CACNA2D3: variants seen among roughly 807,000 people sequenced by gnomAD.
CACNA2D3 encodes the protein voltage-dependent calcium channel subunit alpha-2/delta-3.
Under a neutral mutation model 160.6 loss-of-function variants are expected in CACNA2D3, and 60 were observed. That is an observed-to-expected ratio of 0.37 (90% CI 0.30 to 0.46). The LOEUF is 0.46. CACNA2D3 is among the 20% of genes least tolerant of loss of function. The probability of loss-of-function intolerance (pLI) is 1.00; values close to 1 mark genes in which losing one functional copy is unlikely to be tolerated. For missense variants in CACNA2D3, 1,205 were observed against 1,365.0 expected (o/e 0.88, Z 1.85); for synonymous variants, 558 against 492.9 (o/e 1.13, Z -1.75).
At position 54,419,540 on chromosome 3, in the gene CACNA2D3, T is replaced by G. The variant is rs143063241; in HGVS notation, c.381+32766T>G. 2.4e-3 allele frequency among the ~76,000 whole-genome samples: 363 copies of G among 152,322 alleles called. 1 individual carries two copies. The highest frequency in any genetic ancestry group is 7.3e-3 in the African/African-American group (303 of 41,580). On this transcript the variant is annotated intron_variant, in intron 4 of 37. Coordinates refer to ENST00000474759, the MANE Select transcript of CACNA2D3 (RefSeq NM_018398.3). Reference sequence around the variant, plus strand: ...ATCCCTCTTATGATTGCCACAAGTATCCTGCTTTCATTATTAAATACCAGT... The same window carrying G: ...ATCCCTCTTATGATTGCCACAAGTAGCCTGCTTTCATTATTAAATACCAGT...
chr3:54,923,773 G>T (rs1185115620), intron 27 of CACNA2D3, among the ~76,000 whole-genome samples: 1 of 152,140 alleles, frequency 6.6e-6, no homozygotes, highest in Non-Finnish European at 1.5e-5. Context: ...CTGGGCTTCT[G>T]CTCTGTGATC....
At chr3:54,842,088 T>C (rs1295354904) in intron 16 of CACNA2D3, among the ~76,000 whole-genome samples, 1 of 152,254 alleles carries the variant, frequency 6.6e-6, no homozygotes, top group Non-Finnish European at 1.5e-5. Flanking sequence ...TCATATAAGC[T>C]TTTAATTATT....
At chr3:54,487,586 A>G (rs942585927) in intron 4 of CACNA2D3, among the ~76,000 whole-genome samples, 2 of 152,196 alleles carry the variant, frequency 1.3e-5, no homozygotes, top group Admixed American at 1.3e-4. Context: ...CAGGCCCTGG[A>G]GTTCCAACCA....
chr3:54,746,601 G>A (rs1249367256), intron 11 of CACNA2D3, among the ~76,000 whole-genome samples: 3 of 152,214 alleles, frequency 2.0e-5, no homozygotes, highest in Non-Finnish European at 4.4e-5. Flanking sequence ...AGGTCATGAA[G>A]AGATTTGGTA....
chr3:54,276,590 A>G (rs1702744961), intron 2 of CACNA2D3, among the ~76,000 whole-genome samples: 1 of 133,006 alleles, frequency 7.5e-6, no homozygotes, highest in Admixed American at 7.7e-5. Flanking sequence ...AAAAAAAAAA[A>G]GAAGAAGAAG....
At chr3:54,609,120 T>C (rs1316776474) in intron 9 of CACNA2D3, among the ~76,000 whole-genome samples, 2 of 152,122 alleles carry the variant, frequency 1.3e-5, no homozygotes, top group Non-Finnish European at 2.9e-5. Context: ...TTAAATGAGG[T>C]CATAAGGGTG....
intron 35 of CACNA2D3, among the ~76,000 whole-genome samples, chr3:55,029,378 T>G (rs993744157): frequency 1.2e-4 from 19 of 152,184 alleles, no homozygotes; most frequent in African/African-American, 3.9e-4. Flanking sequence ...TAAAAAAAGA[T>G]GTATTACTTT....
At chr3:54,936,321 C>T (rs759334465) in intron 27 of CACNA2D3, among the ~76,000 whole-genome samples, 44 of 152,222 alleles carry the variant, frequency 2.9e-4, no homozygotes, top group Middle Eastern at 3.4e-3. Flanking sequence ...GTATTCTGCC[C>T]GTGGACAGAG....
chr3:54,445,567 C>CACACAT (rs1700209465), intron 4 of CACNA2D3, among the ~76,000 whole-genome samples: 1 of 151,584 alleles, frequency 6.6e-6, no homozygotes, highest in South Asian at 2.1e-4. Flanking sequence ...CACACACACA[C>CACACAT]ACACACACAC....
chr3:54,506,990 C>CAT lies in CACNA2D3; in HGVS notation c.544+3346_544+3347dup, dbSNP rs565120891. On this transcript the variant is annotated intron_variant, in intron 5 of 37. Transcript: ENST00000474759. The stretch of plus-strand genomic sequence containing the variant: ...TATATATACACATTATATATACACA[C>CAT]ATATATATATACATACACACACATA... Among the ~76,000 whole-genome samples the CAT allele has an allele frequency of 6.6e-3, 1,006 of 152,154 alleles. 10 individuals are homozygous for CAT. The highest frequency in any genetic ancestry group is 0.023 in the African/African-American group (954 of 41,512).
intron 9 of CACNA2D3, among the ~76,000 whole-genome samples, chr3:54,622,674 T>C (rs1166188892): frequency 2.0e-5 from 3 of 152,044 alleles, no homozygotes; most frequent in Non-Finnish European, 2.9e-5. Flanking sequence ...AACATAACAA[T>C]TTCTGGATCT....
intron 11 of CACNA2D3, among the ~76,000 whole-genome samples, chr3:54,724,212 A>C (rs1281492397): frequency 6.6e-6 from 1 of 152,236 alleles, no homozygotes; most frequent in East Asian, 1.9e-4. Flanking sequence ...CAGCAAGAAG[A>C]GCTAACTATC....
intron 8 of CACNA2D3, among the ~76,000 whole-genome samples, chr3:54,576,362 G>A (rs927746687): frequency 2.0e-5 from 3 of 152,116 alleles, no homozygotes; most frequent in Admixed American, 6.5e-5. Flanking sequence ...AACCTTGGTG[G>A]GAGGGTCTAG....
At position 55,061,541 on chromosome 3, in the gene CACNA2D3, G is replaced by T. The variant is rs75692743; in HGVS notation, c.2988-11904G>T. Among the ~76,000 whole-genome samples, 1,133 of 152,192 alleles carry T rather than the reference G, an allele frequency of 7.4e-3. 13 individuals carry two copies. Among genetic ancestry groups the T allele is most frequent in the African/African-American group, 0.026 (1,071 of 41,526 alleles). ...ACTCAAGCAAGCTTAAACAATACAGGGAAAAGTTGAGATGTAAGCTTCAGA... is the reference window on the plus strand; with the variant it reads ...ACTCAAGCAAGCTTAAACAATACAGTGAAAAGTTGAGATGTAAGCTTCAGA... On this transcript the variant is annotated intron_variant, in intron 35 of 37. Transcript: ENST00000474759.
At chr3:54,393,742 TG>T (rs1471138619) in intron 4 of CACNA2D3, among the ~76,000 whole-genome samples, 5 of 152,214 alleles carry the variant, frequency 3.3e-5, no homozygotes, top group Non-Finnish European at 5.9e-5. Flanking sequence ...CACACATCCC[TG>T]GGCTGATCTG....
chr3:54,842,019 CA>C (rs1698830249), intron 16 of CACNA2D3, among the ~76,000 whole-genome samples: 1 of 152,178 alleles, frequency 6.6e-6, no homozygotes, highest in Non-Finnish European at 1.5e-5. Context: ...TGGATAAAAC[CA>C]AAATTAGCGA....
Position 54,274,317 on chromosome 3 carries a change from AT to A in CACNA2D3, c.205-46120del. On this transcript the variant is annotated intron_variant, in intron 2 of 37. Transcript: ENST00000474759. Reference sequence around the variant, plus strand: ...TCATTCTGATTCATTCTTATAGATTATTTTTCTTCTTTCTTTCTTTTTCTTT... The same window carrying A: ...TCATTCTGATTCATTCTTATAGATTATTTTCTTCTTTCTTTCTTTTTCTTT... Among the ~76,000 whole-genome samples the A allele has an allele frequency of 2.0e-5, 3 of 151,978 alleles. 1 individual carries two copies. The South Asian group carries it at 6.2e-4, about 32-fold the overall frequency.
At chr3:54,658,506 C>A (rs1300055735) in intron 11 of CACNA2D3, among the ~76,000 whole-genome samples, 1 of 152,070 alleles carries the variant, frequency 6.6e-6, no homozygotes, top group African/African-American at 2.4e-5. Flanking sequence ...GGTTCTTTGC[C>A]CATTTTTAAA....
chr3:55,007,005 T>C (rs1395968172), intron 32 of CACNA2D3, among the ~76,000 whole-genome samples: 3 of 152,170 alleles, frequency 2.0e-5, no homozygotes, highest in African/African-American at 7.2e-5. Flanking sequence ...TCATTGTCTG[T>C]CTCTCAAGTT....
Sources: allele counts gnomAD v4.1 joint callset (sites outside exome capture counted in the v4.1 genomes callset), GRCh38; gene constraint gnomAD v4.1.1; transcripts MANE v1.5; gene names NCBI Gene and HGNC (gene_info 2026-07-23, HGNC 2026-07-21).